Variants in SGK1 observed in about 807,000 individuals in gnomAD.
The protein encoded by SGK1 is serine/threonine-protein kinase Sgk1.
SGK1 carries 26 observed loss-of-function variants against 64.2 expected under a neutral mutation model. The observed-to-expected ratio is 0.40, with a 90% confidence interval of 0.30 to 0.56. The LOEUF (loss-of-function observed/expected upper bound fraction) is 0.56, where lower values mean the gene tolerates loss of function less well. Among genes scored for constraint, SGK1 ranks in the 20% least tolerant of loss-of-function variants. SGK1 has a pLI of 0.38. For missense variants in SGK1, 519 were observed against 645.6 expected (o/e 0.80, Z 2.12); for synonymous variants, 265 against 239.7 (o/e 1.11, Z -0.98).
rs143099063 is a variant in SGK1, at chr6:134,251,046, G to A, written c.285+10887C>T. ...CCTGCCTTGGGCTCCCAAAGTTCTG[G>A]GATTACAGGTGTGAGCCATTGCACC... On this transcript the variant is annotated intron_variant, in intron 2 of 13. Transcript: ENST00000367858. Among the ~76,000 whole-genome samples the A allele has an allele frequency of 6.9e-3, 1,047 of 152,178 alleles. 4 individuals carry two copies. The highest frequency in any genetic ancestry group is 0.023 in the African/African-American group (958 of 41,522).
At chr6:134,234,635 G>A (rs1203741064) in intron 2 of SGK1, among the ~76,000 whole-genome samples, 3 of 152,166 alleles carry the variant, frequency 2.0e-5, no homozygotes, top group Admixed American at 1.3e-4. Context: ...CCCAGTATTT[G>A]GGAGGCCGGG....
At chr6:134,205,546 C>A (rs532599886) in intron 3 of SGK1, among the ~76,000 whole-genome samples, 1 of 152,276 alleles carries the variant, frequency 6.6e-6, no homozygotes, top group African/African-American at 2.4e-5. Flanking sequence ...ACAGATTTAG[C>A]CCAAGCTGTT....
At chr6:134,276,461 T>C (rs1296230206) in intron 1 of SGK1, among the ~76,000 whole-genome samples, 7 of 152,134 alleles carry the variant, frequency 4.6e-5, no homozygotes, top group Admixed American at 3.9e-4. Flanking sequence ...GGTGAGTATG[T>C]GTGGCAAGCC....
rs550853625 is a variant in SGK1 at position 134,188,826 on chromosome 6, G to A, written c.362-14240C>T. 4.0e-5 allele frequency among the ~76,000 whole-genome samples: 6 copies of A among 151,614 alleles called. No individual in the cohort carries two copies. In the South Asian group the frequency reaches 8.3e-4, roughly 21 times the overall value. ...TGGCTCACTGCAGCCTCAACCTCCC[G>A]GGCTCAAGTCATCCTCCCACTTCAG... On this transcript the variant is annotated intron_variant, in intron 3 of 13. Transcript: ENST00000367858.
intron 2 of SGK1, among the ~76,000 whole-genome samples, chr6:134,236,545 T>C (rs1232131395): frequency 6.6e-6 from 1 of 152,140 alleles, no homozygotes; most frequent in African/African-American, 2.4e-5. Flanking sequence ...GAGGATCACC[T>C]GAGTCTTTGA....
chr6:134,245,446 A>T (rs896144335), intron 2 of SGK1, among the ~76,000 whole-genome samples: 4 of 152,278 alleles, frequency 2.6e-5, no homozygotes, highest in South Asian at 2.1e-4. Flanking sequence ...TCAACAATAG[A>T]TATTCAGGGG....
chr6:134,243,433 G>A (rs1174577888), intron 2 of SGK1, among the ~76,000 whole-genome samples: 4 of 152,018 alleles, frequency 2.6e-5, no homozygotes, highest in Admixed American at 6.6e-5. Flanking sequence ...GCAATGGCAC[G>A]ATCTCGGTTC....
intron 1 of SGK1, among the ~76,000 whole-genome samples, chr6:134,305,326 C>T (rs1396038005): frequency 1.4e-5 from 2 of 142,606 alleles, no homozygotes; most frequent in African/African-American, 5.3e-5. Context: ...GCCCACTGCA[C>T]TCCAGCCAGC....
chr6:134,213,647 A>AAATAAATAAATAAATAAAT (rs1582715662), intron 2 of SGK1, among the ~76,000 whole-genome samples: 2 of 148,062 alleles, frequency 1.4e-5, no homozygotes, highest in Non-Finnish European at 3.0e-5. Context: ...AATAAATAAT[A>AAATAAATAAATAAATAAAT]AATAAATAAA....
chr6:134,171,507 C>T, intron 11 of SGK1, 130 bp downstream of exon 11: 3 of 653,910 alleles, frequency 4.6e-6, no homozygotes, highest in East Asian at 2.7e-5. Context: ...TATAAAATAA[C>T]CAATATGCCT....
chr6:134,314,373 G>A (rs985627806), intron 1 of SGK1, among the ~76,000 whole-genome samples: 4 of 152,126 alleles, frequency 2.6e-5, no homozygotes, highest in African/African-American at 9.7e-5. Context: ...GGACAGAAGA[G>A]TCTGTTGTGG....
intron 1 of SGK1, among the ~76,000 whole-genome samples, chr6:134,316,709 A>G (rs6923743): frequency 0.12 from 16,327 of 135,872 alleles, 1,078 homozygotes; most frequent in East Asian, 0.3. Flanking sequence ...ACCCTGAATT[A>G]TCACTCAAAT....
At chr6:134,303,588 TAC>T (rs1213913842) in intron 1 of SGK1, among the ~76,000 whole-genome samples, 1 of 151,946 alleles carries the variant, frequency 6.6e-6, no homozygotes, top group East Asian at 1.9e-4. Context: ...TACAGTTGGA[TAC>T]AGTTTGAAAA....
intron 3 of SGK1, among the ~76,000 whole-genome samples, chr6:134,189,234 G>C (rs1284696969): frequency 1.3e-5 from 2 of 151,828 alleles, no homozygotes; most frequent in African/African-American, 4.8e-5. Context: ...GTGTGCGTGT[G>C]CGTGTGCATG....
At chr6:134,244,077 A>G (rs1398337395) in intron 2 of SGK1, among the ~76,000 whole-genome samples, 1 of 152,110 alleles carries the variant, frequency 6.6e-6, no homozygotes. Context: ...TGCTGCACCC[A>G]TCAACCCATC....
chr6:134,298,260 G>A (rs1777393056), intron 1 of SGK1: 9 of 1,572,530 alleles, frequency 5.7e-6, no homozygotes, highest in Non-Finnish European at 6.9e-6. Flanking sequence ...GCCGCCTAAG[G>A]TTGTTGAAGT....
intron 2 of SGK1, among the ~76,000 whole-genome samples, chr6:134,210,901 G>C (rs911000736): frequency 1.3e-5 from 2 of 150,902 alleles, no homozygotes; most frequent in African/African-American, 4.9e-5. Context: ...GAGGCGGGTG[G>C]GTCGCCTGAG....
intron 1 of SGK1, among the ~76,000 whole-genome samples, chr6:134,284,616 C>G (rs1331999364): frequency 6.6e-6 from 1 of 151,922 alleles, no homozygotes; most frequent in Non-Finnish European, 1.5e-5. Flanking sequence ...TCCTAAGTAG[C>G]TGGGACTACA....
At chr6:134,203,647 A>G (rs765316737) in intron 3 of SGK1, among the ~76,000 whole-genome samples, 1 of 152,244 alleles carries the variant, frequency 6.6e-6, no homozygotes, top group Non-Finnish European at 1.5e-5. Context: ...AGGCTTTAGA[A>G]GATTGGACTG....
Sources: allele counts gnomAD v4.1 joint callset (sites outside exome capture counted in the v4.1 genomes callset), GRCh38; gene constraint gnomAD v4.1.1; transcripts MANE v1.5; gene names NCBI Gene and HGNC (gene_info 2026-07-23, HGNC 2026-07-21).